Variants in LAMA2 observed in about 807,000 individuals in gnomAD.
The protein encoded by LAMA2 is laminin subunit alpha-2.
A neutral mutation model predicts 364.8 loss-of-function variants in LAMA2; 269 were observed. That is an observed-to-expected ratio of 0.74 (90% CI 0.67 to 0.82). The LOEUF (loss-of-function observed/expected upper bound fraction) is 0.82, where lower values mean the gene tolerates loss of function less well. Among genes scored for constraint, LAMA2 ranks in the 40% least tolerant of loss-of-function variants. The pLI is 0.00. For missense variants in LAMA2, 3,807 were observed against 3,873.2 expected (o/e 0.98, Z 0.45); for synonymous variants, 1,379 against 1,370.6 (o/e 1.01, Z -0.14).
At chr6:129,017,333 C>A (rs1785142540) in intron 1 of LAMA2, among the ~76,000 whole-genome samples, 1 of 151,790 alleles carries the variant, frequency 6.6e-6, no homozygotes, top group Non-Finnish European at 1.5e-5. Flanking sequence ...ACTGATATGG[C>A]CTCCTACTTA....
At chr6:129,056,898 T>G (rs1474608897) in intron 2 of LAMA2, among the ~76,000 whole-genome samples, 3 of 772 alleles carry the variant, frequency 3.9e-3, no homozygotes, top group Non-Finnish European at 0.029. Context: ...GCCTGTGCTA[T>G]TTTTTTTTTT....
chr6:128,924,115 T>C (rs148858064), intron 1 of LAMA2, among the ~76,000 whole-genome samples: 1 of 152,300 alleles, frequency 6.6e-6, no homozygotes, highest in African/African-American at 2.4e-5. Flanking sequence ...CCTAAATCTA[T>C]TAAAATCATA....
intron 53 of LAMA2, among the ~76,000 whole-genome samples, chr6:129,475,833 C>T (rs1452121444): frequency 6.6e-6 from 1 of 152,150 alleles, no homozygotes; most frequent in Non-Finnish European, 1.5e-5. Context: ...TCAAACTGTG[C>T]TCTCACATGC....
rs577209949 is a variant in LAMA2 at position 129,190,406 on chromosome 6, G to A, written c.1608+61G>A. 2.2e-4 allele frequency: 337 copies of A among 1,558,592 alleles called. 3 individuals carry two copies. In the South Asian group the frequency reaches 3.1e-3, roughly 14 times the overall value. ...AGCAGCCTTCTTTGTTGCTTTCATC[G>A]TTGTTCTTTTGTATGAACAGTTTCT... is the stretch of plus-strand genomic sequence containing the variant. On this transcript the variant is annotated intron_variant, in intron 11 of 64. Transcript: ENST00000421865.
At chr6:128,996,293 T>C (rs1783938084) in intron 1 of LAMA2, among the ~76,000 whole-genome samples, 1 of 151,998 alleles carries the variant, frequency 6.6e-6, no homozygotes, top group African/African-American at 2.4e-5. Context: ...AAAGGCATGA[T>C]GGTGGGGAGT....
At chr6:129,058,145 A>G (rs1349858819) in intron 2 of LAMA2, among the ~76,000 whole-genome samples, 2 of 152,208 alleles carry the variant, frequency 1.3e-5, no homozygotes, top group African/African-American at 2.4e-5. Context: ...CACTCCTGCC[A>G]TCCTCACCCA....
intron 14 of LAMA2, among the ~76,000 whole-genome samples, chr6:129,255,129 C>A (rs944789546): frequency 2.6e-5 from 4 of 151,662 alleles, no homozygotes; most frequent in African/African-American, 9.7e-5. Context: ...AGCCTGGGGC[C>A]GGGCACGGTG....
At chr6:129,476,856 A>G (rs1484035189) in intron 53 of LAMA2, among the ~76,000 whole-genome samples, 1 of 152,222 alleles carries the variant, frequency 6.6e-6, no homozygotes, top group African/African-American at 2.4e-5. Context: ...AAAATTATCA[A>G]TGAAAATAAA....
intron 1 of LAMA2, among the ~76,000 whole-genome samples, chr6:128,917,880 C>T (rs1778444866): frequency 6.6e-6 from 1 of 151,514 alleles, no homozygotes; most frequent in South Asian, 2.1e-4. Context: ...ACTACAGGCT[C>T]TTGCCACCCC....
chr6:129,223,588 A>G (rs1468740014), intron 12 of LAMA2, among the ~76,000 whole-genome samples: 2 of 152,194 alleles, frequency 1.3e-5, no homozygotes, highest in African/African-American at 4.8e-5. Context: ...AGCACCATTT[A>G]TTAAATAGGG....
At chr6:129,294,423 T>C (rs1235349086) in intron 20 of LAMA2, among the ~76,000 whole-genome samples, 1 of 152,206 alleles carries the variant, frequency 6.6e-6, no homozygotes, top group Non-Finnish European at 1.5e-5. Flanking sequence ...CTGGCAGATT[T>C]CCTATCTAGT....
At chr6:129,142,192 T>C (rs1043876592) in intron 4 of LAMA2, among the ~76,000 whole-genome samples, 2 of 152,050 alleles carry the variant, frequency 1.3e-5, no homozygotes, top group African/African-American at 4.8e-5. Flanking sequence ...AAGAATAATA[T>C]TGTCTTTGTC....
chr6:129,124,471 G>A (rs185382278), intron 4 of LAMA2, among the ~76,000 whole-genome samples: 4 of 152,214 alleles, frequency 2.6e-5, no homozygotes, highest in African/African-American at 7.2e-5. Context: ...ACCACCCACT[G>A]TGAGTGGAGG....
chr6:129,232,906 T>G (rs265329), intron 12 of LAMA2, among the ~76,000 whole-genome samples: 122,203 of 152,026 alleles, frequency 0.8, 49,440 homozygotes, highest in Non-Finnish European at 0.85. Flanking sequence ...ATTCATCATT[T>G]CTGGCTTTAA....
chr6:129,474,499 C>T (rs1748424027), intron 52 of LAMA2, among the ~76,000 whole-genome samples: 1 of 152,090 alleles, frequency 6.6e-6, no homozygotes, highest in Non-Finnish European at 1.5e-5. Context: ...CAGTTATTAC[C>T]TAGAAATTCA....
At position 129,114,459 on chromosome 6, in the gene LAMA2, A is replaced by G. The variant is rs113097633; in HGVS notation, c.639+16044A>G. Among the ~76,000 whole-genome samples the G allele has an allele frequency of 4.6e-5, 7 of 152,224 alleles. 1 individual carries two copies. Among genetic ancestry groups the G allele is most frequent in the African/African-American group, 1.7e-4 (7 of 41,578 alleles). Reference sequence around the variant, plus strand: ...CTTGTTAGTTCCCATTGATACGATTATAACTCACACAATTCCCTAAAGGAA... The same window carrying G: ...CTTGTTAGTTCCCATTGATACGATTGTAACTCACACAATTCCCTAAAGGAA... On this transcript the variant is annotated intron_variant, in intron 4 of 64. Coordinates refer to ENST00000421865, the MANE Select transcript of LAMA2 (RefSeq NM_000426.4).
At chr6:129,037,439 G>A (rs1194924219) in intron 1 of LAMA2, among the ~76,000 whole-genome samples, 1 of 152,010 alleles carries the variant, frequency 6.6e-6, no homozygotes, top group Non-Finnish European at 1.5e-5. Context: ...TGACTGAATG[G>A]CTTTTCCATA....
rs558541557 is a variant in LAMA2 at position 129,175,601 on chromosome 6, A to G, written c.1307-2105A>G. 5.3e-5 allele frequency among the ~76,000 whole-genome samples: 8 copies of G among 152,370 alleles called. No individual in the cohort carries two copies. The East Asian group carries it at 1.3e-3, about 26-fold the overall frequency. On this transcript the variant is annotated intron_variant, in intron 9 of 64. Transcript: ENST00000421865. ...AAATTAACTAGCATTACAGAAAACC[A>G]AACACCGCATGTTCTTACTCGTAAG...
At chr6:129,475,440 G>T in intron 53 of LAMA2, 39 bp downstream of exon 53, 1 of 1,535,040 alleles carries the variant, frequency 6.5e-7, no homozygotes. Flanking sequence ...TCGAGTGCAT[G>T]GGTTGGGTAA....
Sources: gnomAD v4.1 joint callset for allele counts (sites outside exome capture counted in the v4.1 genomes callset) on GRCh38, gnomAD v4.1.1 for gene constraint, MANE v1.5 for transcripts, NCBI Gene and HGNC (gene_info 2026-07-23, HGNC 2026-07-21) for gene names.